The following STARD3 variants were observed in gnomAD, a reference collection of about 807,000 sequenced individuals.
STARD3 encodes stAR-related lipid transfer protein 3.
STARD3 carries 39 observed loss-of-function variants against 62.0 expected under a neutral mutation model. The observed-to-expected ratio is 0.63, with a 90% CI of 0.49 to 0.82. The LOEUF (loss-of-function observed/expected upper bound fraction) is 0.82, where lower values mean the gene tolerates loss of function less well. Among genes scored for constraint, STARD3 ranks in the 40% least tolerant of loss-of-function variants. STARD3 has a pLI of 0.00. For missense variants in STARD3, 543 were observed against 584.5 expected, an observed-to-expected ratio of 0.93 and a Z score of 0.73; for synonymous variants, 229 against 242.4, an observed-to-expected ratio of 0.94 and a Z score of 0.51.
intron 3 of STARD3, among the ~76,000 whole-genome samples, chr17:39,657,353 C>T (rs1289978154): frequency 1.3e-5 from 2 of 152,076 alleles, no homozygotes; most frequent in Non-Finnish European, 2.9e-5. Context: ...TGGTGAAACC[C>T]CGCCTCTACT....
chr17:39,657,060 T>G lies in STARD3; in HGVS notation c.272T>G (p.Phe91Cys). The G allele has an allele frequency of 1.2e-6, 2 of 1,614,118 alleles. No individual in the cohort carries two copies. Among genetic ancestry groups the G allele is most frequent in the Middle Eastern group, 3.3e-4 (2 of 6,062 alleles). The change falls in exon 3 of 15, where the codon TTT (phenylalanine) becomes TGT (cysteine). Residue 91 changes from phenylalanine to cysteine, a missense_variant. By Grantham distance (205) the Phe-to-Cys change is radical (BLOSUM62 -2). Transcript: ENST00000336308. ...NLEQEIIQYNFKTSFFDIFVL... is the reference protein window; with the variant it reads ...NLEQEIIQYNCKTSFFDIFVL... ...GAGCAGGAGATCATCCAGTACAACTTTAAAACTTCCTTCTTCGACATCTTT... is the reference window on the plus strand; with the variant it reads ...GAGCAGGAGATCATCCAGTACAACTGTAAAACTTCCTTCTTCGACATCTTT...
Position 39,660,676 on chromosome 17 carries a change from A to C in STARD3, c.955-134A>C, listed in dbSNP as rs2057186813. 2 of 1,344,388 alleles carry C rather than the reference A, an allele frequency of 1.5e-6. No homozygotes were observed. Among genetic ancestry groups the C allele is most frequent in the African/African-American group, 1.4e-5 (1 of 69,520 alleles). The allele number at this position is 1,344,388 out of a possible 1,614,324, so 83.3% of individuals were successfully genotyped here. A position where few individuals can be genotyped will look rare whatever the true frequency, so the allele number is the denominator to read the frequency against. On this transcript the variant is annotated intron_variant, in intron 11 of 14. Transcript: ENST00000336308. This position sits in a 1 kb window ranked among gnomAD's most constrained non-coding sequence, Gnocchi z 4.8. ...TGCTCGGGAGGGTCGGGAGGAGGGC[A>C]GGAGGAGTGCTCATCAGGCGCTGCC...
At chr17:39,648,859 G>T (rs1238887787) in intron 1 of STARD3, among the ~76,000 whole-genome samples, 1 of 152,212 alleles carries the variant, frequency 6.6e-6, no homozygotes, top group African/African-American at 2.4e-5. Context: ...CAGTGTGGTT[G>T]CCACTCCAAG....
chr17:39,657,690 G>A (rs2145014075), intron 3 of STARD3, 85 bp from the exon 4 acceptor site: 3 of 1,466,728 alleles, frequency 2.0e-6, no homozygotes, highest in Non-Finnish European at 2.9e-6. Context: ...AGGGAACGTG[G>A]GGGCAGGACC....
intron 2 of STARD3, among the ~76,000 whole-genome samples, chr17:39,654,897 A>T (rs1220165427): frequency 3.3e-5 from 5 of 152,248 alleles, no homozygotes; most frequent in Non-Finnish European, 5.9e-5. Context: ...GTTGAGCTGG[A>T]GGGAGAGACA....
In STARD3 at chr17:39,657,036, A is replaced by G. The variant is rs770919993; in HGVS notation, c.248A>G (p.Glu83Gly). 7 of 1,614,196 alleles carry G rather than the reference A, an allele frequency of 4.3e-6. No homozygotes were observed. In the East Asian group the frequency reaches 1.6e-4, roughly 36 times the overall value. ...NTNTGIRKNLEQEIIQYNFKT... is the reference protein window; with the variant it reads ...NTNTGIRKNLGQEIIQYNFKT... ...AACACAGGCATCCGTAAGAACTTGG[A>G]GCAGGAGATCATCCAGTACAACTTT... The change falls in exon 3 of 15, where the codon GAG becomes GGG. Residue 83 changes from glutamate to glycine, a missense_variant. Physicochemically the swap from Glu to Gly is moderately conservative, Grantham distance 98 (BLOSUM62 -2). Transcript: ENST00000336308.
chr17:39,653,856 C>T (rs1053069056), intron 2 of STARD3, 106 bp downstream of exon 2: 64 of 1,327,356 alleles, frequency 4.8e-5, no homozygotes, highest in Non-Finnish European at 6.6e-5. Flanking sequence ...GGTTGGTTAG[C>T]TGGGTAAAAT....
chr17:39,662,120 G>A, intron 13 of STARD3, 131 bp from the exon 14 acceptor site: 1 of 767,178 alleles, frequency 1.3e-6, no homozygotes, highest in Non-Finnish European at 2.2e-6. Context: ...TTCAGATAGG[G>A]TAGCTCTGCC....
intron 5 of STARD3, 93 bp from the exon 6 acceptor site, chr17:39,658,312 T>A: frequency 8.4e-7 from 1 of 1,189,400 alleles, no homozygotes; most frequent in Admixed American, 1.9e-5. Context: ...ATGGGGTGTA[T>A]GCCAGTTTGG....
Position 39,658,034 on chromosome 17 carries a change from G to C in STARD3, c.429+8G>C, listed in dbSNP as rs181778915. ...AAGGTCATCCTCTCTGAGGTCAGTG[G>C]CTCAGGGTCTGGCCAGTCTGGTGGG... On this transcript the variant is annotated splice_region_variant and intron_variant, in intron 5 of 14. Coordinates refer to ENST00000336308, the MANE Select transcript of STARD3 (RefSeq NM_006804.4). The C allele has an allele frequency of 3.6e-5, 56 of 1,555,852 alleles. No individual in the cohort carries two copies. The Admixed American group carries it at 1.1e-3, about 30-fold the overall frequency.
intron 2 of STARD3, among the ~76,000 whole-genome samples, 183 bp downstream of exon 2, chr17:39,653,933 G>C (rs1028021224): frequency 6.6e-6 from 1 of 152,198 alleles, no homozygotes; most frequent in Non-Finnish European, 1.5e-5. Flanking sequence ...GTTCGGAGGG[G>C]TTGTGTCATT....
At chr17:39,656,088 G>A (rs1302723090) in intron 2 of STARD3, among the ~76,000 whole-genome samples, 2 of 152,202 alleles carry the variant, frequency 1.3e-5, no homozygotes, top group Non-Finnish European at 2.9e-5. Context: ...TCATGGAGCT[G>A]GGGTGGGCTT....
At position 39,662,977 on chromosome 17, in the gene STARD3, G is replaced by C; in HGVS notation, c.*69G>C. On this transcript the variant is annotated 3_prime_UTR_variant, in exon 15 of 15. Coordinates refer to ENST00000336308, the MANE Select transcript of STARD3 (RefSeq NM_006804.4). ...ACTTCCAGAGCCAGAAAGGGTGCCAGTTGGGCTCGCACTGCCCACATGGGA... is the reference window on the plus strand; with the variant it reads ...ACTTCCAGAGCCAGAAAGGGTGCCACTTGGGCTCGCACTGCCCACATGGGA... 6.7e-7 allele frequency: 1 copy of C among 1,490,674 alleles called. No individual in the cohort carries two copies. Among genetic ancestry groups the C allele is most frequent in the Non-Finnish European group, 9.1e-7 (1 of 1,096,722 alleles). 92.3% of individuals were successfully genotyped at this position (1,490,674 alleles called of 1,614,324 possible). A position where few individuals can be genotyped will look rare whatever the true frequency, so the allele number is the denominator to read the frequency against.
chr17:39,648,266 G>A (rs969742811), intron 1 of STARD3, among the ~76,000 whole-genome samples: 4 of 152,036 alleles, frequency 2.6e-5, no homozygotes, highest in East Asian at 1.9e-4. Flanking sequence ...CAGCCTGGGC[G>A]ACAGAGTGAG....
At chr17:39,642,734 G>A (rs1395526877) in intron 1 of STARD3, among the ~76,000 whole-genome samples, 1 of 152,138 alleles carries the variant, frequency 6.6e-6, no homozygotes, top group Non-Finnish European at 1.5e-5. Context: ...GATGGAGGGT[G>A]GGGGCTAAAT....
chr17:39,658,802 C>A lies in STARD3; in HGVS notation c.628C>A (p.Pro210Thr). ...TCTGTCCGAGGGACAGTTCTATTCA[C>A]CCCCAGAATCCTTTGCAGGTGAGGG... ...GALSEGQFYS[P>T]PESFAGSDNE... The change falls in exon 7 of 15, where the codon CCC becomes ACC. Residue 210 changes from proline (P) to threonine (T), a missense_variant. Pro to Thr is a conservative substitution (Grantham distance 38, BLOSUM62 -1). Coordinates refer to ENST00000336308, the MANE Select transcript of STARD3 (RefSeq NM_006804.4). The A allele has an allele frequency of 6.2e-7, 1 of 1,613,996 alleles. No homozygotes were observed. The highest frequency in any genetic ancestry group is 8.5e-7 in the Non-Finnish European group (1 of 1,179,978).
chr17:39,658,820 G>A lies in STARD3; in HGVS notation c.646G>A (p.Gly216Arg). The A allele has an allele frequency of 6.2e-7, 1 of 1,613,870 alleles. No individual in the cohort carries two copies. The change falls in exon 7 of 15, where the codon GGG becomes AGG. Residue 216 changes from glycine (G) to arginine (R), a missense_variant and splice_region_variant. Coordinates refer to ENST00000336308, the MANE Select transcript of STARD3 (RefSeq NM_006804.4). ...QFYSPPESFA[G>R]SDNESDEEVA... The stretch of plus-strand genomic sequence containing the variant: ...CTATTCACCCCCAGAATCCTTTGCA[G>A]GTGAGGGCTGGTGTGTGGGGGAACT...
intron 4 of STARD3, 39 bp downstream of exon 4, chr17:39,657,891 A>G (rs1192868409): frequency 6.2e-7 from 1 of 1,614,028 alleles, no homozygotes; most frequent in Non-Finnish European, 8.5e-7. Flanking sequence ...GGGCCCTGGC[A>G]GGGCTGGTGG....
chr17:39,646,723 C>T (rs1195752290), intron 1 of STARD3, among the ~76,000 whole-genome samples: 1 of 152,210 alleles, frequency 6.6e-6, no homozygotes, highest in Non-Finnish European at 1.5e-5. Flanking sequence ...GTCCAGGACA[C>T]CACCCAAAAC....
Sources: gnomAD v4.1 joint callset for allele counts (sites outside exome capture counted in the v4.1 genomes callset) on GRCh38, gnomAD v4.1.1 for gene constraint, Gnocchi (gnomAD v3.1) non-coding constraint, MANE v1.5 for transcripts, NCBI Gene and HGNC (gene_info 2026-07-23, HGNC 2026-07-21) for gene names.